The following NFIL3 variants were observed in gnomAD, a reference collection of about 807,000 sequenced individuals.
The protein encoded by NFIL3 is nuclear factor interleukin-3-regulated protein.
A neutral mutation model predicts 10.0 loss-of-function variants in NFIL3; 5 were observed. That is an observed-to-expected ratio of 0.50 (90% CI 0.26 to 1.06). The LOEUF (loss-of-function observed/expected upper bound fraction) is 1.06, where lower values mean the gene tolerates loss of function less well. NFIL3 is among the 50% of genes least tolerant of loss of function. NFIL3 has a pLI of 0.13. For missense variants in NFIL3, 436 were observed against 547.6 expected (o/e 0.80, Z 2.03); for synonymous variants, 202 against 206.5 (o/e 0.98, Z 0.19).
chr9:91,413,543 G>T (rs1340700526), intron 1 of NFIL3, among the ~76,000 whole-genome samples: 1 of 152,088 alleles, frequency 6.6e-6, no homozygotes, highest in African/African-American at 2.4e-5. Flanking sequence ...GAGCCACCAC[G>T]CCCGGCCAAC....
At chr9:91,479,494 C>T in the NFIL3 span, among the ~76,000 whole-genome samples, 21 of 152,240 alleles carry the variant, frequency 1.4e-4, no homozygotes, top group Non-Finnish European at 2.5e-4. Context: ...ATGCCCCTCC[C>T]GCCACCAAGC....
At position 91,413,503 on chromosome 9, in the gene NFIL3, G is replaced by A. The variant is rs1003044302; in HGVS notation, c.-172-2597C>T. ...TGATCTCAGGTGATTTGCCTGCCTC[G>A]GACTCCCAAAGTGCTGGGATTACAG... On this transcript the variant is annotated intron_variant, in intron 1 of 1. Transcript: ENST00000297689. Among the ~76,000 whole-genome samples, 4 of 151,966 alleles carry A rather than the reference G, an allele frequency of 2.6e-5. No individual in the cohort carries two copies. The East Asian group carries it at 7.7e-4, about 29-fold the overall frequency.
At chr9:91,458,713 T>C in the NFIL3 span, among the ~76,000 whole-genome samples, 1 of 152,220 alleles carries the variant, frequency 6.6e-6, no homozygotes, top group Non-Finnish European at 1.5e-5. Flanking sequence ...GTTAACTTTT[T>C]CTTAATTTAA....
At chr9:91,456,376 T>C in the NFIL3 span, among the ~76,000 whole-genome samples, 4 of 152,308 alleles carry the variant, frequency 2.6e-5, no homozygotes, top group Middle Eastern at 3.4e-3. Flanking sequence ...AGTTCTTTCC[T>C]ATCCTTTCCA....
At chr9:91,468,673 C>G in the NFIL3 span, among the ~76,000 whole-genome samples, 1 of 152,160 alleles carries the variant, frequency 6.6e-6, no homozygotes, top group African/African-American at 2.4e-5. Flanking sequence ...GGTTTTGGGT[C>G]TAACATTTAA....
chr9:91,433,679 AAC>A, the NFIL3 span, among the ~76,000 whole-genome samples: 2,011 of 152,330 alleles, frequency 0.013, 46 homozygotes, highest in East Asian at 0.077. Context: ...GAACATGAGA[AAC>A]ACAAACCTCG....
chr9:91,461,122 A>G, the NFIL3 span, among the ~76,000 whole-genome samples: 1 of 152,178 alleles, frequency 6.6e-6, no homozygotes, highest in Admixed American at 6.5e-5. Flanking sequence ...AGATTTACTC[A>G]GTCAGGGACG....
intron 1 of NFIL3, among the ~76,000 whole-genome samples, chr9:91,413,905 T>C (rs1833603182): frequency 8.2e-6 from 1 of 122,062 alleles, no homozygotes; most frequent in East Asian, 2.2e-4. Context: ...ATTTGTTCCT[T>C]CTTAAAAAAA....
At chr9:91,452,838 ATGT>A in the NFIL3 span, among the ~76,000 whole-genome samples, 4 of 151,176 alleles carry the variant, frequency 2.6e-5, no homozygotes, top group East Asian at 7.8e-4. Context: ...CCTTGGGCAC[ATGT>A]TGTCAGGACC....
the NFIL3 span, among the ~76,000 whole-genome samples, chr9:91,430,113 A>G: frequency 1.3e-5 from 2 of 152,220 alleles, no homozygotes; most frequent in Non-Finnish European, 2.9e-5. Flanking sequence ...TCAGAAAAAT[A>G]GTATCATCAA....
chr9:91,429,667 A>T, the NFIL3 span, among the ~76,000 whole-genome samples: 1 of 152,140 alleles, frequency 6.6e-6, no homozygotes, highest in Admixed American at 6.5e-5. Flanking sequence ...CTTCTGAGAA[A>T]CTTTCAGAAG....
the NFIL3 span, among the ~76,000 whole-genome samples, chr9:91,482,454 TGA>T: frequency 6.6e-6 from 1 of 151,980 alleles, no homozygotes; most frequent in Non-Finnish European, 1.5e-5. Context: ...ATGATGATGA[TGA>T]TGATGATGGT....
At chr9:91,416,958 A>G (rs960987410) in intron 1 of NFIL3, among the ~76,000 whole-genome samples, 3 of 152,170 alleles carry the variant, frequency 2.0e-5, no homozygotes, top group African/African-American at 7.2e-5. Flanking sequence ...ATAGACCTTT[A>G]TCTTCCCTGG....
chr9:91,450,959 T>C, the NFIL3 span, among the ~76,000 whole-genome samples: 1 of 152,186 alleles, frequency 6.6e-6, no homozygotes, highest in African/African-American at 2.4e-5. Flanking sequence ...ATTAAATCTG[T>C]TCCCCAAACA....
chr9:91,430,285 T>C, the NFIL3 span, among the ~76,000 whole-genome samples: 1 of 152,170 alleles, frequency 6.6e-6, no homozygotes, highest in Admixed American at 6.5e-5. Context: ...GGGATTAGAA[T>C]TCATTCATTC....
chr9:91,420,230 T>TA (rs1167396053), intron 1 of NFIL3, among the ~76,000 whole-genome samples: 1 of 151,950 alleles, frequency 6.6e-6, no homozygotes, highest in Non-Finnish European at 1.5e-5. Flanking sequence ...GATGGCAAAT[T>TA]AAAAAATATA....
At chr9:91,473,853 A>C in the NFIL3 span, among the ~76,000 whole-genome samples, 3 of 152,214 alleles carry the variant, frequency 2.0e-5, no homozygotes, top group Non-Finnish European at 4.4e-5. Context: ...ACAATCTCCA[A>C]TTCTCTGAGA....
chr9:91,414,782 C>T (rs1221671861), intron 1 of NFIL3, among the ~76,000 whole-genome samples: 1 of 152,162 alleles, frequency 6.6e-6, no homozygotes, highest in Admixed American at 6.5e-5. Context: ...GAGACAGGCA[C>T]AATCATATAC....
At chr9:91,440,584 G>A in the NFIL3 span, among the ~76,000 whole-genome samples, 3 of 151,816 alleles carry the variant, frequency 2.0e-5, no homozygotes, top group African/African-American at 7.3e-5. Flanking sequence ...AGTTCTTGAA[G>A]AATATTTTTA....
Sources: allele counts gnomAD v4.1 joint callset (sites outside exome capture counted in the v4.1 genomes callset), GRCh38; gene constraint gnomAD v4.1.1; transcripts MANE v1.5; gene names NCBI Gene and HGNC (gene_info 2026-07-23, HGNC 2026-07-21).